The following RSPH14 variants were observed in gnomAD, a reference collection of about 807,000 sequenced individuals.
The protein encoded by RSPH14 is rhabdoid tumor deletion region gene 1.
Under a neutral mutation model 26.7 loss-of-function variants are expected in RSPH14, and 20 were observed. The observed-to-expected ratio is 0.75, with a 90% confidence interval of 0.53 to 1.09. The LOEUF is 1.09. RSPH14 is among the 50% of genes least tolerant of loss of function. The pLI, the probability that RSPH14 is intolerant of heterozygous loss-of-function variation, is 0.00. For missense variants in RSPH14, 449 were observed against 457.2 expected (o/e 0.98, Z 0.16); for synonymous variants, 177 against 189.3 (o/e 0.93, Z 0.53).
intron 4 of RSPH14, among the ~76,000 whole-genome samples, chr22:23,097,742 G>A: frequency 6.6e-6 from 1 of 152,280 alleles, no homozygotes; most frequent in East Asian, 1.9e-4. Flanking sequence ...AGGCTCCCTT[G>A]ATGAGGCATG....
At chr22:23,068,236 G>A (rs1052228612) in intron 4 of RSPH14, among the ~76,000 whole-genome samples, 11 of 152,128 alleles carry the variant, frequency 7.2e-5, no homozygotes, top group Admixed American at 3.9e-4. Context: ...CCACCTCCAC[G>A]CCTGCTATGG....
chr22:23,102,251 C>T (rs1302559776), intron 4 of RSPH14, among the ~76,000 whole-genome samples: 1 of 152,236 alleles, frequency 6.6e-6, no homozygotes, highest in Admixed American at 6.5e-5. Context: ...CGCCTAGGGT[C>T]CCAGGCTTTA....
intron 4 of RSPH14, among the ~76,000 whole-genome samples, chr22:23,065,534 CAAAAAAAAAAAA>C (rs10562943): frequency 5.3e-4 from 24 of 45,176 alleles, no homozygotes; most frequent in African/African-American, 1.2e-3. Flanking sequence ...GCACAGATTG[CAAAAAAAAAAAA>C]AAAAAAAAAA....
intron 4 of RSPH14, chr22:23,123,024 A>G: frequency 9.3e-7 from 1 of 1,071,920 alleles, no homozygotes; most frequent in East Asian, 2.4e-5. Context: ...GCAGGGCTGC[A>G]GGTCTAGGGT....
intron 4 of RSPH14, among the ~76,000 whole-genome samples, chr22:23,117,370 A>G (rs1034330951): frequency 6.6e-6 from 1 of 152,252 alleles, no homozygotes; most frequent in Admixed American, 6.5e-5. Context: ...AAGGGGCCAC[A>G]GGAGCCTCCC....
chr22:23,172,794 C>CA, the RSPH14 span, among the ~76,000 whole-genome samples: 1 of 151,072 alleles, frequency 6.6e-6, no homozygotes, highest in African/African-American at 2.4e-5. Flanking sequence ...ACTAAAAATA[C>CA]AAAAAATTAG....
At chr22:23,144,802 T>A (rs2070685096), upstream of RSPH14, among the ~76,000 whole-genome samples, 1 of 152,126 alleles carries the variant, frequency 6.6e-6, no homozygotes, top group Admixed American at 6.5e-5. Flanking sequence ...TGCAGAAAAG[T>A]TAAGGAGCTG....
chr22:23,122,813 T>C (rs2146402626), intron 4 of RSPH14: 1 of 525,548 alleles, frequency 1.9e-6, no homozygotes, highest in Non-Finnish European at 3.4e-6. Context: ...CAAAGCTATA[T>C]GTTGAGATCA....
At chr22:23,163,058 T>C in the RSPH14 span, 17 of 264,234 alleles carry the variant, frequency 6.4e-5, no homozygotes, top group Non-Finnish European at 1.2e-4. Context: ...ATTACAGGCA[T>C]GCACCACCAT....
the RSPH14 span, chr22:23,180,023 G>A: frequency 2.7e-6 from 1 of 366,460 alleles, no homozygotes; most frequent in Non-Finnish European, 5.1e-6. Context: ...CAGTGCCGGT[G>A]ACGCTTATGG....
chr22:23,171,855 C>CAAAAAAAAAAAAAAAAAA, the RSPH14 span, among the ~76,000 whole-genome samples: 1 of 25,052 alleles, frequency 4.0e-5, no homozygotes, highest in Non-Finnish European at 7.5e-5. Flanking sequence ...AAAAAAAAAA[C>CAAAAAAAAAAAAAAAAAA]AAAAAAAAAA....
chr22:23,081,953 A>G (rs1857574776), intron 4 of RSPH14, among the ~76,000 whole-genome samples: 1 of 150,416 alleles, frequency 6.6e-6, no homozygotes, highest in South Asian at 2.1e-4. Flanking sequence ...GTGAAACCTC[A>G]TCTCTACTAA....
rs200211352 is a variant in RSPH14 at position 23,120,414 on chromosome 22, C to T, written c.421+13612G>A. On this transcript the variant is annotated intron_variant, in intron 4 of 6. Transcript: ENST00000216036. ...CTCCCACTGCTGCCAGCTGAGCTCTCCCTACACACAGGTGCCCTGCAGAGG... is the reference window on the plus strand; with the variant it reads ...CTCCCACTGCTGCCAGCTGAGCTCTTCCTACACACAGGTGCCCTGCAGAGG... 3.9e-5 allele frequency among the ~76,000 whole-genome samples: 6 copies of T among 152,266 alleles called. No homozygotes were observed. In the East Asian group the frequency reaches 1.2e-3, roughly 29 times the overall value.
intron 4 of RSPH14, chr22:23,096,301 G>A (rs201266285): frequency 9.3e-6 from 15 of 1,613,738 alleles, no homozygotes; most frequent in African/African-American, 4.0e-5. Context: ...TGGTGGACGT[G>A]GGGGGGCAGA....
chr22:23,171,152 G>A, the RSPH14 span, among the ~76,000 whole-genome samples: 1 of 151,926 alleles, frequency 6.6e-6, no homozygotes, highest in Non-Finnish European at 1.5e-5. Context: ...ATTTTTAGTA[G>A]AGACAAGGTT....
chr22:23,112,104 C>T (rs1425002372), intron 4 of RSPH14, among the ~76,000 whole-genome samples: 4 of 152,206 alleles, frequency 2.6e-5, no homozygotes, highest in African/African-American at 9.6e-5. Context: ...GGCCAGAACA[C>T]AGGCACCCTC....
intron 4 of RSPH14, among the ~76,000 whole-genome samples, chr22:23,119,283 G>A (rs1396476006): frequency 6.6e-6 from 1 of 152,214 alleles, no homozygotes; most frequent in Non-Finnish European, 1.5e-5. Flanking sequence ...CTGGGCTTCT[G>A]GCCTGGCAAC....
At chr22:23,076,112 T>G (rs976774703) in intron 4 of RSPH14, among the ~76,000 whole-genome samples, 18 of 152,338 alleles carry the variant, frequency 1.2e-4, no homozygotes, top group Admixed American at 9.8e-4. Context: ...GGGCTGGCTC[T>G]TAGGCTGTGG....
the RSPH14 span, among the ~76,000 whole-genome samples, chr22:23,173,622 G>GTTTTTTTTTT: frequency 1.8e-5 from 2 of 112,288 alleles, no homozygotes; most frequent in East Asian, 2.9e-4. Flanking sequence ...TTTATTTTTG[G>GTTTTTTTTTT]TTTTTTGTTT....
Sources: gnomAD v4.1 joint callset for allele counts (sites outside exome capture counted in the v4.1 genomes callset) on GRCh38, gnomAD v4.1.1 for gene constraint, MANE v1.5 for transcripts, NCBI Gene and HGNC (gene_info 2026-07-23, HGNC 2026-07-21) for gene names.